The following GPA33 variants were observed in gnomAD, a reference collection of about 807,000 sequenced individuals.
GPA33 encodes glycoprotein A33, also known as cell surface A33 antigen.
GPA33 carries 27 observed loss-of-function variants against 35.6 expected under a neutral mutation model. The observed-to-expected ratio is 0.76, with a 90% confidence interval of 0.56 to 1.04. The LOEUF is 1.04. GPA33 is among the 50% of genes least tolerant of loss of function. The pLI is 0.00. For synonymous variants in GPA33, 176 were observed against 164.0 expected (o/e 1.07, Z -0.56); for missense variants, 428 against 411.9 (o/e 1.04, Z -0.34).
chr1:167,082,385 G>T, intron 1 of GPA33: 3 of 446,112 alleles, frequency 6.7e-6, no homozygotes, highest in Non-Finnish European at 1.3e-5. Context: ...AGTGAGGGCA[G>T]CCTATTTTGT....
Position 167,065,348 on chromosome 1 carries a change from A to G in GPA33, c.416-1611T>C, listed in dbSNP as rs1666568692. On this transcript the variant is annotated intron_variant, in intron 3 of 6. Transcript: ENST00000367868. ...AAAGAGGTGATGGTACTCCAGGCAGAGTGAACAGCATGTGCAAAGGCTCAG... is the reference window on the plus strand; with the variant it reads ...AAAGAGGTGATGGTACTCCAGGCAGGGTGAACAGCATGTGCAAAGGCTCAG... Among the ~76,000 whole-genome samples the G allele has an allele frequency of 2.0e-5, 3 of 152,224 alleles. No individual in the cohort carries two copies. The South Asian group carries it at 6.2e-4, about 32-fold the overall frequency.
In GPA33 at chr1:167,055,005, G is replaced by A. The variant is rs148908812; in HGVS notation, c.798C>T (p.Asp266=). 21 of 1,613,830 alleles carry A rather than the reference G, an allele frequency of 1.3e-5. No individual in the cohort carries two copies. The highest frequency in any genetic ancestry group is 1.7e-5 in the Non-Finnish European group (20 of 1,180,032). The stretch of plus-strand genomic sequence containing the variant: ...TTGCATCCTCCTTGTCTTCAGTGTT[G>A]TCGTCCTTCCCTCGGCAGCAGCAGC... ...IYCCCCRGKD[D]NTEDKEDARP... Residue 266 remains aspartate (D), a synonymous_variant, in exon 6 of 7, where the codon GAC becomes GAT. Coordinates refer to ENST00000367868, the MANE Select transcript of GPA33 (RefSeq NM_005814.3).
intron 1 of GPA33, among the ~76,000 whole-genome samples, chr1:167,087,563 A>T (rs549682178): frequency 6.6e-6 from 1 of 152,214 alleles, no homozygotes; most frequent in East Asian, 1.9e-4. Flanking sequence ...CGGGTGGAAC[A>T]TTTCCCAGGC....
chr1:167,055,339 C>G (rs1362976354), intron 5 of GPA33, among the ~76,000 whole-genome samples: 3 of 152,182 alleles, frequency 2.0e-5, no homozygotes, highest in Non-Finnish European at 4.4e-5. Context: ...CCTGGCTCTG[C>G]AAAAGTCCTC....
intron 4 of GPA33, among the ~76,000 whole-genome samples, chr1:167,063,094 T>C (rs1384251639): frequency 6.6e-6 from 1 of 152,276 alleles, no homozygotes; most frequent in East Asian, 1.9e-4. Context: ...TGAATCATTT[T>C]TGTTTCTTGC....
rs541529037 is a variant in GPA33, at chr1:167,067,086, C to T, written c.415+1836G>A. ...TATGTTTATATGTATATAATTTAAA[C>T]TTGTTTCTTCGAGTGCATTAAAAAA... is the stretch of plus-strand genomic sequence containing the variant. On this transcript the variant is annotated intron_variant, in intron 3 of 6. Coordinates refer to ENST00000367868, the MANE Select transcript of GPA33 (RefSeq NM_005814.3). Among the ~76,000 whole-genome samples the T allele has an allele frequency of 2.2e-4, 34 of 152,174 alleles. No individual in the cohort carries two copies. In the South Asian group the frequency reaches 6.4e-3, roughly 29 times the overall value.
intron 4 of GPA33, among the ~76,000 whole-genome samples, chr1:167,062,642 C>CTTTT (rs1571306971): frequency 1.4e-4 from 10 of 69,954 alleles, no homozygotes; most frequent in South Asian, 7.1e-4. Flanking sequence ...TTATATAGCT[C>CTTTT]TTTCTTTTTT....
chr1:167,078,924 T>C (rs1558010237), intron 1 of GPA33, among the ~76,000 whole-genome samples: 1 of 152,214 alleles, frequency 6.6e-6, no homozygotes. Context: ...CAATAAATGA[T>C]AGTTACTATT....
intron 1 of GPA33, among the ~76,000 whole-genome samples, chr1:167,079,898 C>A (rs956447554): frequency 8.5e-5 from 13 of 152,230 alleles, no homozygotes; most frequent in African/African-American, 2.7e-4. Context: ...CTTATTAGCA[C>A]TGCATCCCTC....
intron 4 of GPA33, among the ~76,000 whole-genome samples, chr1:167,056,640 G>GTATGGGGGGCAGTGTGTGTGT (rs1323350128): frequency 1.0e-4 from 15 of 149,904 alleles, no homozygotes; most frequent in East Asian, 4.0e-4. Context: ...GATGTGTGTG[G>GTATGGGGGGCAGTGTGTGTGT]TGTGTGTAGT....
intron 1 of GPA33, among the ~76,000 whole-genome samples, chr1:167,079,420 A>T (rs1666881544): frequency 1.4e-5 from 2 of 143,822 alleles, no homozygotes. Flanking sequence ...TTAACCCAGG[A>T]GGTGGAGGTT....
chr1:167,063,092 T>C (rs1474614976), intron 4 of GPA33, among the ~76,000 whole-genome samples: 1 of 152,246 alleles, frequency 6.6e-6, no homozygotes, highest in African/African-American at 2.4e-5. Flanking sequence ...CATGAATCAT[T>C]TTTGTTTCTT....
In GPA33 at chr1:167,076,639, G is replaced by A. The variant is rs114951086; in HGVS notation, c.44-3100C>T. On this transcript the variant is annotated intron_variant, in intron 1 of 6. Transcript: ENST00000367868. The stretch of plus-strand genomic sequence containing the variant: ...CCTGGAATGGGCACTGTACAGTGAG[G>A]GCCATGTGAGCTCCTGGGGTGAGTT... 3.3e-3 allele frequency among the ~76,000 whole-genome samples: 506 copies of A among 152,290 alleles called. 2 individuals carry two copies. The highest frequency in any genetic ancestry group is 0.012 in the African/African-American group (488 of 41,540).
chr1:167,065,079 A>G (rs1666562793), intron 3 of GPA33, among the ~76,000 whole-genome samples: 1 of 152,210 alleles, frequency 6.6e-6, no homozygotes, highest in African/African-American at 2.4e-5. Flanking sequence ...AGCTGGGTTC[A>G]TTCTACAAAC....
At chr1:167,072,842 T>C (rs774359750) in intron 2 of GPA33, among the ~76,000 whole-genome samples, 1 of 151,808 alleles carries the variant, frequency 6.6e-6, no homozygotes, top group Non-Finnish European at 1.5e-5. Flanking sequence ...TCCATGCTCG[T>C]ATATGCCCTG....
intron 4 of GPA33, among the ~76,000 whole-genome samples, chr1:167,059,114 A>G (rs1436594313): frequency 1.3e-5 from 2 of 152,104 alleles, no homozygotes; most frequent in Admixed American, 6.6e-5. Context: ...GGTGGGGAAC[A>G]TGGGGTTTCC....
At position 167,054,364 on chromosome 1, in the gene GPA33, C is replaced by T. The variant is rs1415947405; in HGVS notation, c.930G>A (p.Gly310=). 1 of 1,614,134 alleles carries T rather than the reference C, an allele frequency of 6.2e-7. No homozygotes were observed. ...DYRQEEQRST[G]RESPDHLDQ is the part of the protein sequence containing the mutation. Reference sequence around the variant, plus strand: ...GGTCGAGGTGGTCCGGGGATTCACGCCCAGTGCTCCTCTGCTCTTCTTGCC... The same window carrying T: ...GGTCGAGGTGGTCCGGGGATTCACGTCCAGTGCTCCTCTGCTCTTCTTGCC... Residue 310 remains glycine, a synonymous_variant, in exon 7 of 7, where the codon GGG becomes GGA. Transcript: ENST00000367868.
intron 1 of GPA33, among the ~76,000 whole-genome samples, chr1:167,089,279 A>G (rs1227382647): frequency 6.6e-6 from 1 of 152,110 alleles, no homozygotes; most frequent in Non-Finnish European, 1.5e-5. Context: ...TGTGTATGCT[A>G]AAAAGTGAGC....
At chr1:167,065,270 G>A (rs925879043) in intron 3 of GPA33, among the ~76,000 whole-genome samples, 21 of 152,234 alleles carry the variant, frequency 1.4e-4, no homozygotes, top group Non-Finnish European at 2.5e-4. Flanking sequence ...GTGACGTGAA[G>A]GAAGCATGAC....
Sources: gnomAD v4.1 joint callset for allele counts (sites outside exome capture counted in the v4.1 genomes callset) on GRCh38, gnomAD v4.1.1 for gene constraint, MANE v1.5 for transcripts, NCBI Gene and HGNC (gene_info 2026-07-23, HGNC 2026-07-21) for gene names.